MID2: variants seen among roughly 807,000 people sequenced by gnomAD.
MID2 encodes the protein midline 2.
MID2 carries 13 observed loss-of-function variants against 46.1 expected under a neutral mutation model. The observed-to-expected ratio is 0.28, with a 90% confidence interval of 0.18 to 0.45. The LOEUF is 0.45. Among genes scored for constraint, MID2 ranks in the 20% least tolerant of loss-of-function variants. MID2 has a pLI of 1.00. For synonymous variants in MID2, 199 were observed against 212.3 expected (o/e 0.94, Z 0.55); for missense variants, 431 against 575.4 (o/e 0.75, Z 2.57).
intron 3 of MID2, among the ~76,000 whole-genome samples, chrX:107,879,090 C>A (rs753120859): frequency 1.1e-3 from 124 of 111,223 alleles, no homozygotes; most frequent in African/African-American, 3.7e-3. Context: ...TCATGTGGAT[C>A]TGCAGCAGCA....
At chrX:107,881,921 G>A (rs936112013) in intron 3 of MID2, among the ~76,000 whole-genome samples, 9 of 112,030 alleles carry the variant, frequency 8.0e-5, no homozygotes, top group Admixed American at 2.8e-4. Flanking sequence ...AAGCATTAGG[G>A]GTGAAATAAC....
chrX:107,826,977 A>C (rs66939798), intron 1 of MID2, among the ~76,000 whole-genome samples: 22,193 of 112,039 alleles, frequency 0.2, 2,308 homozygotes, highest in African/African-American at 0.4. Context: ...CTCCGTCTGG[A>C]TGGTTCCTTA....
intron 7 of MID2, among the ~76,000 whole-genome samples, chrX:107,919,116 A>G (rs982916761): frequency 1.8e-5 from 2 of 110,655 alleles, no homozygotes; most frequent in African/African-American, 6.6e-5. Context: ...GTGCAGCTAT[A>G]AATAATGGCC....
chrX:107,845,517 A>ACTCTCT (rs1211921439), intron 2 of MID2, among the ~76,000 whole-genome samples: 5 of 84,980 alleles, frequency 5.9e-5, no homozygotes, highest in South Asian at 4.7e-4. Flanking sequence ...ACACACACAC[A>ACTCTCT]CACACACACT....
intron 3 of MID2, among the ~76,000 whole-genome samples, chrX:107,875,087 G>T (rs1405204648): frequency 1.8e-5 from 2 of 111,830 alleles, no homozygotes; most frequent in East Asian, 5.6e-4. Flanking sequence ...ACAAGTGAGG[G>T]CTGTCTCAGA....
intron 2 of MID2, among the ~76,000 whole-genome samples, chrX:107,846,295 T>G (rs1365431344): frequency 8.9e-5 from 10 of 111,875 alleles, no homozygotes; most frequent in African/African-American, 3.2e-4. Context: ...TTTCTCACTC[T>G]CAGTCAGGTA....
chrX:107,841,354 C>A lies in MID2; in HGVS notation c.689C>A (p.Ala230Glu). 8.3e-7 allele frequency: 1 copy of A among 1,203,166 alleles called. No homozygotes were observed. The highest frequency in any genetic ancestry group is 1.1e-6 in the Non-Finnish European group (1 of 890,063). The change falls in exon 2 of 10, where the codon GCA becomes GAA. Residue 230 changes from alanine to glutamate, a missense_variant. Physicochemically the swap from Ala to Glu is moderately radical, Grantham distance 107. Coordinates refer to ENST00000262843, the MANE Select transcript of MID2 (RefSeq NM_012216.4). Reference protein sequence around the residue: ...LVGRHRDHQVASLNDRFEKLK... With the variant: ...LVGRHRDHQVESLNDRFEKLK... ...GGTCGTCACCGAGACCATCAGGTCGCATCCCTGAATGATCGATTTGAGAAA... is the reference window on the plus strand; with the variant it reads ...GGTCGTCACCGAGACCATCAGGTCGAATCCCTGAATGATCGATTTGAGAAA...
intron 1 of MID2, among the ~76,000 whole-genome samples, chrX:107,839,546 A>G (rs1931286769): frequency 9.1e-6 from 1 of 110,294 alleles, no homozygotes; most frequent in Non-Finnish European, 1.9e-5. Context: ...TAATTTTTGC[A>G]TTTTTAGTAG....
intron 7 of MID2, 108 bp from the exon 8 acceptor site, chrX:107,924,235 A>G: frequency 1.3e-6 from 1 of 781,986 alleles, no homozygotes; most frequent in Non-Finnish European, 1.9e-6. Flanking sequence ...AAAAGAAAAC[A>G]AAATGAATTC....
In MID2 at chrX:107,862,723, C is replaced by T. The variant is rs182117017; in HGVS notation, c.816+8019C>T. Among the ~76,000 whole-genome samples, 157 of 112,218 alleles carry T rather than the reference C, an allele frequency of 1.4e-3. 4 individuals carry two copies. The highest frequency in any genetic ancestry group is 0.013 in the Admixed American group (139 of 10,615). On this transcript the variant is annotated intron_variant, in intron 3 of 9. Transcript: ENST00000262843. ...TTTAGGGAGGGTCACATGCTTTCAT[C>T]TCTAGTAATTTTAAAAAGAGAGAGT...
chrX:107,890,915 G>A, intron 3 of MID2, among the ~76,000 whole-genome samples: 1 of 110,490 alleles, frequency 9.1e-6, no homozygotes, highest in East Asian at 2.9e-4. Context: ...GTCCCTCTGA[G>A]CCAGGCGCAG....
chrX:107,926,406 G>T, intron 9 of MID2, 105 bp downstream of exon 9: 3 of 769,302 alleles, frequency 3.9e-6, no homozygotes, highest in South Asian at 2.9e-5. Context: ...AAGGTTAAAA[G>T]GTATGTGATG....
intron 3 of MID2, among the ~76,000 whole-genome samples, chrX:107,856,864 T>C (rs1931747977): frequency 8.9e-6 from 1 of 112,205 alleles, no homozygotes; most frequent in Admixed American, 9.4e-5. Flanking sequence ...CAAGAAGTGT[T>C]CTTTTATGGA....
At chrX:107,915,135 G>A (rs1932947461) in intron 5 of MID2, among the ~76,000 whole-genome samples, 1 of 112,073 alleles carries the variant, frequency 8.9e-6, no homozygotes, top group South Asian at 3.7e-4. Context: ...CTGTGTTAGG[G>A]CCATGGAAGA....
In MID2 at chrX:107,829,120, C is replaced by T. The variant is rs188990800; in HGVS notation, c.4+2690C>T. On this transcript the variant is annotated intron_variant, in intron 1 of 9. Transcript: ENST00000262843. ...TCTCAAACTCCTGAGCTTAAGGGAT[C>T]CACCTGCCAAGTCCAAGTGTTGGGA... 3.6e-5 allele frequency among the ~76,000 whole-genome samples: 4 copies of T among 112,063 alleles called. No homozygotes were observed. The East Asian group carries it at 1.1e-3, about 31-fold the overall frequency.
intron 3 of MID2, among the ~76,000 whole-genome samples, chrX:107,872,026 C>T (rs1261809399): frequency 1.8e-5 from 2 of 112,211 alleles, no homozygotes; most frequent in Non-Finnish European, 3.8e-5. Context: ...TTCCCTGCCT[C>T]CTGCCCCTGT....
At chrX:107,848,114 G>A (rs188032158) in intron 2 of MID2, among the ~76,000 whole-genome samples, 67 of 111,504 alleles carry the variant, frequency 6.0e-4, no homozygotes, top group African/African-American at 2.0e-3. Flanking sequence ...AGTCCTCAGC[G>A]TGGTGGTAGA....
In MID2 at chrX:107,905,458, C is replaced by A. The variant is rs200268274; in HGVS notation, c.925-20C>A. On this transcript the variant is annotated intron_variant, in intron 4 of 9. Transcript: ENST00000262843. ...ACTGCATGTTTTATCTTATTTTTTT[C>A]TTTTACTAATTCCTTAAAGGTTATG... is the stretch of plus-strand genomic sequence containing the variant. 29 of 1,157,832 alleles carry A rather than the reference C, an allele frequency of 2.5e-5. No homozygotes were observed. The highest frequency in any genetic ancestry group is 3.2e-5 in the Non-Finnish European group (28 of 865,077).
In MID2 at chrX:107,879,243, G is replaced by A. The variant is rs530572472; in HGVS notation, c.816+24539G>A. Among the ~76,000 whole-genome samples, 18 of 111,968 alleles carry A rather than the reference G, an allele frequency of 1.6e-4. No homozygotes were observed. The South Asian group carries it at 6.4e-3, about 40-fold the overall frequency. ...GTGACTGCCTTTTGCACCCACACCC[G>A]AGTTCTTGTCCAGTGTCCAGGAGGA... On this transcript the variant is annotated intron_variant, in intron 3 of 9. Coordinates refer to ENST00000262843, the MANE Select transcript of MID2 (RefSeq NM_012216.4).
Sources: allele counts gnomAD v4.1 joint callset (sites outside exome capture counted in the v4.1 genomes callset), GRCh38; gene constraint gnomAD v4.1.1; transcripts MANE v1.5; gene names NCBI Gene and HGNC (gene_info 2026-07-23, HGNC 2026-07-21).